MGAT5: variants seen among roughly 807,000 people sequenced by gnomAD.
The protein encoded by MGAT5 is alpha-1,6-mannosylglycoprotein 6-beta-N-acetylglucosaminyltransferase, also known as alpha-1,6-mannosylglycoprotein 6-beta-N-acetylglucosaminyltransferase A.
A neutral mutation model predicts 94.3 loss-of-function variants in MGAT5; 30 were observed. The observed-to-expected ratio is 0.32, with a 90% CI of 0.24 to 0.43. The LOEUF is 0.43. Among genes scored for constraint, MGAT5 ranks in the 20% least tolerant of loss-of-function variants. MGAT5 has a pLI of 1.00. For missense variants in MGAT5, 691 were observed against 905.5 expected (o/e 0.76, Z 3.04); for synonymous variants, 310 against 322.9 (o/e 0.96, Z 0.43).
At chr2:134,138,903 A>G (rs1245558595) in intron 1 of MGAT5, among the ~76,000 whole-genome samples, 2 of 152,180 alleles carry the variant, frequency 1.3e-5, no homozygotes, top group South Asian at 2.1e-4. Flanking sequence ...TGGTCCCCCT[A>G]CTGATAAGGT....
At chr2:134,168,704 A>G (rs976201042) in intron 1 of MGAT5, among the ~76,000 whole-genome samples, 1 of 152,226 alleles carries the variant, frequency 6.6e-6, no homozygotes, top group Non-Finnish European at 1.5e-5. Flanking sequence ...AGTGCATATC[A>G]GTTGGTCTTA....
chr2:134,167,362 T>C (rs1260660939), intron 1 of MGAT5, among the ~76,000 whole-genome samples: 1 of 152,218 alleles, frequency 6.6e-6, no homozygotes, highest in East Asian at 1.9e-4. Flanking sequence ...TCTGAAGTAA[T>C]GGCCCAGCCC....
At chr2:134,171,332 A>G (rs980005112) in intron 1 of MGAT5, among the ~76,000 whole-genome samples, 1 of 152,126 alleles carries the variant, frequency 6.6e-6, no homozygotes, top group East Asian at 1.9e-4. Context: ...AATTGTGCAT[A>G]TATATTTGGG....
At chr2:134,345,094 G>A in intron 8 of MGAT5, 30 bp downstream of exon 8, 2 of 1,589,340 alleles carry the variant, frequency 1.3e-6, no homozygotes. Context: ...CTGACTTAAG[G>A]TTTTTTTTCC....
At chr2:134,225,692 G>T (rs903444876) in intron 1 of MGAT5, among the ~76,000 whole-genome samples, 1 of 152,144 alleles carries the variant, frequency 6.6e-6, no homozygotes, top group African/African-American at 2.4e-5. Context: ...GTCATTATAG[G>T]ACATGCTGGA....
At chr2:134,261,398 C>T (rs1028168444) in intron 1 of MGAT5, among the ~76,000 whole-genome samples, 2 of 152,106 alleles carry the variant, frequency 1.3e-5, no homozygotes, top group African/African-American at 2.4e-5. Flanking sequence ...TAAAAAGCTC[C>T]GCACCCCCTC....
intron 2 of MGAT5, among the ~76,000 whole-genome samples, chr2:134,273,325 A>G (rs1419188981): frequency 6.6e-6 from 1 of 152,170 alleles, no homozygotes; most frequent in East Asian, 1.9e-4. Context: ...TGTCAACCCA[A>G]GAATGGCTCC....
In MGAT5 at chr2:134,254,480, G is replaced by A; in HGVS notation, c.77G>A (p.Gly26Asp). ...FFLVTFGFIW[G>D]MMLLHFTIQQ... ...CTGGTGACTTTTGGCTTCATTTGGG[G>A]TATGATGCTTCTGCACTTTACCATC... Residue 26 changes from glycine (G) to aspartate (D), a missense_variant, in exon 1 of 16, where the codon GGT becomes GAT. By Grantham distance (94) the Gly-to-Asp change is moderately conservative. Coordinates refer to ENST00000281923, the MANE Select transcript of MGAT5 (RefSeq NM_002410.5). The A allele has an allele frequency of 3.7e-6, 6 of 1,614,196 alleles. No homozygotes were observed. The highest frequency in any genetic ancestry group is 5.1e-6 in the Non-Finnish European group (6 of 1,180,040).
At chr2:134,343,760 G>A (rs1688763097) in intron 7 of MGAT5, among the ~76,000 whole-genome samples, 1 of 152,164 alleles carries the variant, frequency 6.6e-6, no homozygotes, top group Non-Finnish European at 1.5e-5. Flanking sequence ...GGCCAAATCA[G>A]CCCTCTGTCT....
intron 1 of MGAT5, among the ~76,000 whole-genome samples, chr2:134,223,801 A>G (rs1680912503): frequency 1.3e-5 from 2 of 152,336 alleles, no homozygotes; most frequent in African/African-American, 4.8e-5. Context: ...CTGGCCATAT[A>G]GACTCCTTTT....
At chr2:134,219,958 A>G (rs1680675006) in intron 1 of MGAT5, among the ~76,000 whole-genome samples, 1 of 152,148 alleles carries the variant, frequency 6.6e-6, no homozygotes, top group Admixed American at 6.5e-5. Flanking sequence ...AATTCATAGG[A>G]GTAAAGGAAT....
chr2:134,195,414 A>G (rs1283379309), intron 1 of MGAT5, among the ~76,000 whole-genome samples: 1 of 152,170 alleles, frequency 6.6e-6, no homozygotes, highest in Non-Finnish European at 1.5e-5. Flanking sequence ...CTGTTGAACA[A>G]TTCTTATGTT....
chr2:134,218,410 CTG>C (rs1680601344), intron 1 of MGAT5, among the ~76,000 whole-genome samples: 1 of 152,190 alleles, frequency 6.6e-6, no homozygotes, highest in African/African-American at 2.4e-5. Context: ...GTTCACTAGT[CTG>C]TGGGTGAGTT....
At chr2:134,181,279 C>T (rs933064267) in intron 1 of MGAT5, among the ~76,000 whole-genome samples, 1 of 152,170 alleles carries the variant, frequency 6.6e-6, no homozygotes, top group Non-Finnish European at 1.5e-5. Flanking sequence ...AGGACGGTCC[C>T]CACAGCCAGG....
intron 9 of MGAT5, among the ~76,000 whole-genome samples, chr2:134,361,036 G>A (rs1680058467): frequency 6.6e-6 from 1 of 152,220 alleles, no homozygotes; most frequent in Non-Finnish European, 1.5e-5. Context: ...TGCGTGCATG[G>A]CGGGCGACAT....
At chr2:134,370,391 G>A (rs936340102) in intron 10 of MGAT5, among the ~76,000 whole-genome samples, 1 of 152,216 alleles carries the variant, frequency 6.6e-6, no homozygotes, top group Non-Finnish European at 1.5e-5. Flanking sequence ...ACTCAAATTG[G>A]CATATATTTT....
At chr2:134,353,135 T>C (rs1679496068) in intron 9 of MGAT5, among the ~76,000 whole-genome samples, 1 of 152,206 alleles carries the variant, frequency 6.6e-6, no homozygotes, top group South Asian at 2.1e-4. Context: ...GTGAATATAC[T>C]TAACACTACT....
At chr2:134,158,039 T>A (rs934255267) in intron 1 of MGAT5, among the ~76,000 whole-genome samples, 2 of 152,192 alleles carry the variant, frequency 1.3e-5, no homozygotes, top group African/African-American at 4.8e-5. Context: ...AGTCCAGCAT[T>A]TTTATGGGCT....
chr2:134,355,679 A>T (rs1679688203), intron 9 of MGAT5, among the ~76,000 whole-genome samples: 1 of 152,230 alleles, frequency 6.6e-6, no homozygotes, highest in Non-Finnish European at 1.5e-5. Flanking sequence ...ACCATTTAGA[A>T]GAGAAAGCTC....
Sources: allele counts gnomAD v4.1 joint callset (sites outside exome capture counted in the v4.1 genomes callset), GRCh38; gene constraint gnomAD v4.1.1; transcripts MANE v1.5; gene names NCBI Gene and HGNC (gene_info 2026-07-23, HGNC 2026-07-21).